PIAS1: variants seen among roughly 807,000 people sequenced by gnomAD.
The protein encoded by PIAS1 is protein inhibitor of activated STAT 1, also known as E3 SUMO-protein ligase PIAS1.
Under a neutral mutation model 71.3 loss-of-function variants are expected in PIAS1, and 6 were observed. The observed-to-expected ratio is 0.08, with a 90% confidence interval of 0.05 to 0.17. The LOEUF (loss-of-function observed/expected upper bound fraction) is 0.17, where lower values mean the gene tolerates loss of function less well. Among genes scored for constraint, PIAS1 ranks in the 10% least tolerant of loss-of-function variants. The pLI, the probability that PIAS1 is intolerant of heterozygous loss-of-function variation, is 1.00. For missense variants in PIAS1, 555 were observed against 793.6 expected (o/e 0.70, Z 3.61); for synonymous variants, 303 against 292.9 (o/e 1.03, Z -0.35).
intron 1 of PIAS1, among the ~76,000 whole-genome samples, chr15:68,060,334 C>T (rs893756114): frequency 6.6e-6 from 1 of 152,044 alleles, no homozygotes; most frequent in Non-Finnish European, 1.5e-5. Flanking sequence ...CATTTTAAAA[C>T]TATATTGAAC....
chr15:68,107,817 T>C (rs1226475877), intron 2 of PIAS1, among the ~76,000 whole-genome samples: 2 of 152,054 alleles, frequency 1.3e-5, no homozygotes, highest in Non-Finnish European at 2.9e-5. Context: ...ACTCTAAATA[T>C]ACAGTTACTT....
At chr15:68,083,930 A>T (rs1002764506) in intron 1 of PIAS1, among the ~76,000 whole-genome samples, 1 of 152,140 alleles carries the variant, frequency 6.6e-6, no homozygotes, top group Non-Finnish European at 1.5e-5. Flanking sequence ...AGTACCTACT[A>T]TGTACCAAGT....
chr15:68,115,504 A>G (rs908907515), intron 2 of PIAS1, among the ~76,000 whole-genome samples: 28 of 152,106 alleles, frequency 1.8e-4, no homozygotes, highest in African/African-American at 5.5e-4. Context: ...ATGAATAGAC[A>G]GTTTTACTCT....
rs1423207382 is a variant in PIAS1, at chr15:68,188,078, AAAG to A, written c.*246_*248del. Reference sequence around the variant, plus strand: ...AAACACTTGTTTAAAAAAAAAAAGGAAAGAAAAGAAAAAAGAAAAACAAGCACC... The same window carrying A: ...AAACACTTGTTTAAAAAAAAAAAGGAAAAAGAAAAAAGAAAAACAAGCACC... On this transcript the variant is annotated 3_prime_UTR_variant, in exon 14 of 14. Coordinates refer to ENST00000249636, the MANE Select transcript of PIAS1 (RefSeq NM_016166.3). 1.7e-5 allele frequency: 5 copies of A among 293,018 alleles called. No homozygotes were observed. The highest frequency in any genetic ancestry group is 3.1e-5 in the Non-Finnish European group (5 of 159,046). The allele number at this position is 293,018 out of a possible 1,614,324, so 18.2% of individuals were successfully genotyped here.
chr15:68,151,702 AC>A (rs1567065570), intron 6 of PIAS1, among the ~76,000 whole-genome samples: 7 of 100,612 alleles, frequency 7.0e-5, no homozygotes, highest in South Asian at 4.4e-4. Flanking sequence ...ACACACACAC[AC>A]ACACAAATTA....
At chr15:68,076,171 C>T (rs1168063255) in intron 1 of PIAS1, among the ~76,000 whole-genome samples, 1 of 152,026 alleles carries the variant, frequency 6.6e-6, no homozygotes. Flanking sequence ...ATATGATAAC[C>T]TTAATTTTCT....
chr15:68,172,052 A>G (rs1482298411), intron 8 of PIAS1, among the ~76,000 whole-genome samples: 2 of 151,794 alleles, frequency 1.3e-5, no homozygotes, highest in Non-Finnish European at 2.9e-5. Flanking sequence ...TCCTAATGCT[A>G]TCCCTCCCCC....
chr15:68,175,246 A>G (rs542414100), intron 9 of PIAS1, among the ~76,000 whole-genome samples: 36 of 152,286 alleles, frequency 2.4e-4, no homozygotes, highest in African/African-American at 8.2e-4. Context: ...ACATATTTGT[A>G]TATGTTTTGC....
chr15:68,111,218 T>C (rs918004297), intron 2 of PIAS1, among the ~76,000 whole-genome samples: 2 of 152,204 alleles, frequency 1.3e-5, no homozygotes, highest in Admixed American at 1.3e-4. Flanking sequence ...GGGAAAATTA[T>C]GCTCCCTGAT....
chr15:68,093,622 C>G (rs1414474007), intron 2 of PIAS1, among the ~76,000 whole-genome samples: 1 of 152,176 alleles, frequency 6.6e-6, no homozygotes, highest in African/African-American at 2.4e-5. Context: ...CAACATGGAT[C>G]ATAATTGTGG....
chr15:68,112,136 A>G (rs142670400), intron 2 of PIAS1, among the ~76,000 whole-genome samples: 2 of 152,198 alleles, frequency 1.3e-5, no homozygotes, highest in East Asian at 1.9e-4. Flanking sequence ...CGTTTACCGT[A>G]TATGTTTTCT....
chr15:68,183,606 C>T, intron 12 of PIAS1, 24 bp from the exon 13 acceptor site: 1 of 962,642 alleles, frequency 1.0e-6, no homozygotes, highest in Non-Finnish European at 1.6e-6. Context: ...TTTTTTTAAA[C>T]TGAAATAATT....
intron 1 of PIAS1, among the ~76,000 whole-genome samples, chr15:68,070,164 A>G (rs992172476): frequency 1.3e-5 from 2 of 152,194 alleles, no homozygotes; most frequent in Admixed American, 6.5e-5. Context: ...CTGTGGATGT[A>G]AAATAACATC....
intron 2 of PIAS1, among the ~76,000 whole-genome samples, chr15:68,104,655 T>C (rs567325955): frequency 8.5e-5 from 13 of 152,134 alleles, no homozygotes; most frequent in Admixed American, 7.2e-4. Context: ...TAATAAGAAT[T>C]TATTATGTAT....
chr15:68,153,559 T>C (rs2092864566), intron 6 of PIAS1, 31 bp from the exon 7 acceptor site: 1 of 978,202 alleles, frequency 1.0e-6, no homozygotes, highest in African/African-American at 1.6e-5. Flanking sequence ...CTTACATATG[T>C]TGTTTGTTTT....
chr15:68,139,192 G>A (rs957332721), intron 2 of PIAS1, among the ~76,000 whole-genome samples: 1 of 152,122 alleles, frequency 6.6e-6, no homozygotes, highest in African/African-American at 2.4e-5. Context: ...TGGCAAAACC[G>A]GTTTGGAATC....
chr15:68,165,838 A>G (rs1394708308), intron 8 of PIAS1, among the ~76,000 whole-genome samples: 4 of 152,136 alleles, frequency 2.6e-5, no homozygotes, highest in African/African-American at 7.2e-5. Flanking sequence ...CAAACTAATC[A>G]TATTTTAAAT....
chr15:68,138,186 T>G (rs1444842652), intron 2 of PIAS1, among the ~76,000 whole-genome samples: 1 of 152,036 alleles, frequency 6.6e-6, no homozygotes, highest in Non-Finnish European at 1.5e-5. Context: ...AAATAAAGCT[T>G]CTTTCCCACT....
chr15:68,055,336 C>G (rs2091884061), intron 1 of PIAS1: 2 of 323,420 alleles, frequency 6.2e-6, no homozygotes, highest in South Asian at 2.5e-4. Context: ...ACTCCAACCC[C>G]CGATAAATAG....
Sources: allele counts gnomAD v4.1 joint callset (sites outside exome capture counted in the v4.1 genomes callset), GRCh38; gene constraint gnomAD v4.1.1; transcripts MANE v1.5; gene names NCBI Gene and HGNC (gene_info 2026-07-23, HGNC 2026-07-21).